GMCL1: variants seen among roughly 807,000 people sequenced by gnomAD.
GMCL1 encodes germ cell-less protein-like 1.
GMCL1 carries 54 observed loss-of-function variants against 75.5 expected under a neutral mutation model. The observed-to-expected ratio is 0.71, with a 90% confidence interval of 0.57 to 0.90. The LOEUF (loss-of-function observed/expected upper bound fraction) is 0.90, where lower values mean the gene tolerates loss of function less well. Ranked by LOEUF, GMCL1 falls within the 40% of genes least tolerant of loss-of-function variation. The pLI, the probability that GMCL1 is intolerant of heterozygous loss-of-function variation, is 0.00. For synonymous variants in GMCL1, 210 were observed against 209.6 expected (o/e 1.00, Z -0.02); for missense variants, 537 against 622.7 (o/e 0.86, Z 1.47).
intron 9 of GMCL1, among the ~76,000 whole-genome samples, chr2:69,855,852 G>C (rs1161194396): frequency 1.3e-5 from 2 of 152,112 alleles, no homozygotes; most frequent in Non-Finnish European, 2.9e-5. Flanking sequence ...AATGTTAGAT[G>C]CCAAAGCCAA....
intron 1 of GMCL1, among the ~76,000 whole-genome samples, chr2:69,831,058 A>G (rs950135820): frequency 6.6e-6 from 1 of 152,058 alleles, no homozygotes; most frequent in East Asian, 1.9e-4. Flanking sequence ...AGCTGGGACT[A>G]CCGGCGCGCA....
intron 9 of GMCL1, among the ~76,000 whole-genome samples, chr2:69,857,354 C>T (rs1675504962): frequency 1.3e-5 from 2 of 152,200 alleles, no homozygotes; most frequent in African/African-American, 4.8e-5. Flanking sequence ...TGCAGATCAT[C>T]CTACAGCTTT....
At position 69,829,774 on chromosome 2, in the gene GMCL1, T is replaced by A; in HGVS notation, c.-119T>A. On this transcript the variant is annotated 5_prime_UTR_variant, in exon 1 of 14. Transcript: ENST00000282570. ...TGGCGTCCGCTGCAACGGTTGGGGC[T>A]GCGCGTGAGAAGGTGGCGGTGTAGG... is the stretch of plus-strand genomic sequence containing the variant. The A allele has an allele frequency of 8.7e-7, 1 of 1,145,700 alleles. No homozygotes were observed. The highest frequency in any genetic ancestry group is 1.2e-6 in the Non-Finnish European group (1 of 836,246). 71.0% of individuals were successfully genotyped at this position (1,145,700 alleles called of 1,614,324 possible).
At chr2:69,869,576 A>C in intron 11 of GMCL1, 143 bp from the exon 12 acceptor site, 1 of 695,272 alleles carries the variant, frequency 1.4e-6, no homozygotes, top group East Asian at 2.7e-5. Context: ...GGTAAGCCTT[A>C]AGAAAAAGTC....
At chr2:69,841,126 CTT>C (rs3836157) in intron 4 of GMCL1, 87 bp downstream of exon 4, 1 of 770,418 alleles carries the variant, frequency 1.3e-6, no homozygotes, top group South Asian at 1.9e-5. Flanking sequence ...TAAAGCTTAG[CTT>C]TTTTGGAGTT....
intron 9 of GMCL1, among the ~76,000 whole-genome samples, chr2:69,856,863 T>C (rs540731966): frequency 8.6e-5 from 13 of 152,030 alleles, no homozygotes; most frequent in Non-Finnish European, 1.6e-4. Flanking sequence ...TAGACACTTA[T>C]TTTACTGTCT....
intron 9 of GMCL1, among the ~76,000 whole-genome samples, chr2:69,859,742 T>TTAAAAAAAAAAAAAAAA (rs1553372489): frequency 1.6e-4 from 13 of 79,102 alleles, no homozygotes; most frequent in African/African-American, 2.3e-4. Context: ...TCTCTCTCTC[T>TTAAAAAAAAAAAAAAAA]AAAAAAAAAA....
At chr2:69,838,336 CAAAA>C (rs71397366) in intron 2 of GMCL1, among the ~76,000 whole-genome samples, 17 of 31,532 alleles carry the variant, frequency 5.4e-4, no homozygotes, top group African/African-American at 8.5e-4. Context: ...GACTCTGTCT[CAAAA>C]AAAAAAAAAA....
chr2:69,869,607 C>T (rs1233192264), intron 11 of GMCL1, 112 bp from the exon 12 acceptor site: 1 of 1,028,392 alleles, frequency 9.7e-7, no homozygotes, highest in Non-Finnish European at 1.4e-6. Context: ...AGTCGACCAC[C>T]CATGAGGGAA....
intron 13 of GMCL1, among the ~76,000 whole-genome samples, chr2:69,872,685 A>G (rs947613869): frequency 1.3e-5 from 2 of 152,206 alleles, no homozygotes; most frequent in African/African-American, 4.8e-5. Flanking sequence ...ACTGACCCCC[A>G]TCTTACATGA....
chr2:69,859,770 A>ATG (rs1675589803), intron 9 of GMCL1, among the ~76,000 whole-genome samples: 1 of 150,086 alleles, frequency 6.7e-6, no homozygotes, highest in African/African-American at 2.5e-5. Context: ...TATATATGGG[A>ATG]TGTTTTAAGG....
chr2:69,840,106 G>A (rs986692243), intron 3 of GMCL1: 11 of 152,358 alleles, frequency 7.2e-5, no homozygotes, highest in South Asian at 4.1e-4. Flanking sequence ...TACCTGGTGC[G>A]ATACAAAGGC....
At chr2:69,835,358 G>T (rs1011222162) in intron 1 of GMCL1, among the ~76,000 whole-genome samples, 1 of 151,922 alleles carries the variant, frequency 6.6e-6, no homozygotes, top group Non-Finnish European at 1.5e-5. Context: ...AGATCTCTAG[G>T]TATACTGGTG....
At chr2:69,830,447 G>A (rs1474458439) in intron 1 of GMCL1, among the ~76,000 whole-genome samples, 2 of 152,224 alleles carry the variant, frequency 1.3e-5, no homozygotes, top group African/African-American at 2.4e-5. Context: ...CCTTAGAGAC[G>A]CCCGGCTGGC....
In GMCL1 at chr2:69,843,249, C is replaced by G. The variant is rs1217051699; in HGVS notation, c.680C>G (p.Ser227Cys). The G allele has an allele frequency of 1.3e-5, 21 of 1,580,384 alleles. No homozygotes were observed. Among genetic ancestry groups the G allele is most frequent in the Non-Finnish European group, 1.8e-5 (21 of 1,151,914 alleles). Residue 227 changes from serine (S) to cysteine (C), a missense_variant, in exon 5 of 14, where the codon TCT becomes TGT. Ser to Cys is a moderately radical substitution (Grantham distance 112). Transcript: ENST00000282570. The stretch of plus-strand genomic sequence containing the variant: ...TCAGCAGGGACCTATGGATTAGATT[C>G]TGTAAAGAAAAAGTGAGTTGCCTTT... ...YTSAGTYGLD[S>C]VKKKCLEWLL... is the part of the protein sequence containing the mutation.
At chr2:69,876,232 TAAG>T (rs1416023313) in intron 13 of GMCL1, among the ~76,000 whole-genome samples, 2 of 152,196 alleles carry the variant, frequency 1.3e-5, no homozygotes, top group Non-Finnish European at 2.9e-5. Flanking sequence ...TTAAAAGTGA[TAAG>T]AACCTTAAAG....
intron 13 of GMCL1, among the ~76,000 whole-genome samples, chr2:69,874,870 T>C (rs1573376794): frequency 6.6e-6 from 1 of 152,030 alleles, no homozygotes; most frequent in East Asian, 1.9e-4. Flanking sequence ...GCCTCACAAG[T>C]AGCTGAGACT....
At position 69,844,544 on chromosome 2, in the gene GMCL1, C is replaced by CTTTTT. The variant is rs34141260; in HGVS notation, c.758+363_758+367dup. On this transcript the variant is annotated intron_variant, in intron 6 of 13. Transcript: ENST00000282570. Reference sequence around the variant, plus strand: ...ATAAGTTTGAAGAAACTGTTTTGGCCTTTTTTTTTTTTTTTTTTTACCTTC... The same window carrying CTTTTT: ...ATAAGTTTGAAGAAACTGTTTTGGCCTTTTTTTTTTTTTTTTTTTTTTTTACCTTC... 1.7e-4 allele frequency: 23 copies of CTTTTT among 132,196 alleles called. 1 individual carries two copies. The highest frequency in any genetic ancestry group is 1.2e-3 in the Admixed American group (16 of 13,580). 8.2% of individuals were successfully genotyped at this position (132,196 alleles called of 1,614,324 possible).
chr2:69,878,404 C>T (rs767267349), intron 13 of GMCL1, among the ~76,000 whole-genome samples: 4 of 151,952 alleles, frequency 2.6e-5, no homozygotes, highest in South Asian at 2.1e-4. Context: ...GAGGCTGAGG[C>T]GGGAGGATGA....
Sources: gnomAD v4.1 joint callset for allele counts (sites outside exome capture counted in the v4.1 genomes callset) on GRCh38, gnomAD v4.1.1 for gene constraint, MANE v1.5 for transcripts, NCBI Gene and HGNC (gene_info 2026-07-23, HGNC 2026-07-21) for gene names.